CLASP1: variants seen among roughly 807,000 people sequenced by gnomAD.
The protein encoded by CLASP1 is CLIP-associating protein 1.
A neutral mutation model predicts 192.3 loss-of-function variants in CLASP1; 38 were observed. That is an observed-to-expected ratio of 0.20 (90% CI 0.15 to 0.26). The LOEUF is 0.26. Ranked by LOEUF, CLASP1 falls within the 10% of genes least tolerant of loss-of-function variation. The probability of loss-of-function intolerance (pLI) is 1.00; values close to 1 mark genes in which losing one functional copy is unlikely to be tolerated. For missense variants in CLASP1, 1,433 were observed against 1,932.5 expected (o/e 0.74, Z 4.85); for synonymous variants, 691 against 712.8 (o/e 0.97, Z 0.49).
intron 38 of CLASP1, among the ~76,000 whole-genome samples, 166 bp from the exon 40 acceptor site, chr2:121,347,320 C>T (rs1488904350): frequency 6.6e-6 from 1 of 152,158 alleles, no homozygotes; most frequent in African/African-American, 2.4e-5. Flanking sequence ...CAGCTTTCAC[C>T]CCAAAGTGGT....
At chr2:121,497,770 A>G (rs1294328665) in intron 8 of CLASP1, among the ~76,000 whole-genome samples, 1 of 151,972 alleles carries the variant, frequency 6.6e-6, no homozygotes, top group Non-Finnish European at 1.5e-5. Context: ...CCCAGGCTGG[A>G]GTGCAGTGAC....
At chr2:121,521,647 C>T (rs908573186) in intron 6 of CLASP1, among the ~76,000 whole-genome samples, 5 of 152,228 alleles carry the variant, frequency 3.3e-5, no homozygotes, top group Admixed American at 1.3e-4. Flanking sequence ...GGCCTCCCTG[C>T]TCTGAGTCAC....
chr2:121,549,135 C>G (rs1232621539), intron 2 of CLASP1, among the ~76,000 whole-genome samples: 1 of 152,180 alleles, frequency 6.6e-6, no homozygotes, highest in Non-Finnish European at 1.5e-5. Context: ...ATAAAAGGCA[C>G]AGAGTGGCAA....
chr2:121,445,520 C>G, intron 19 of CLASP1: 2 of 1,270,198 alleles, frequency 1.6e-6, no homozygotes, highest in South Asian at 1.2e-5. Context: ...AAAGGATCAT[C>G]AGCTTTAATG....
chr2:121,389,624 T>C (rs1402328381), intron 30 of CLASP1, among the ~76,000 whole-genome samples: 1 of 152,182 alleles, frequency 6.6e-6, no homozygotes, highest in African/African-American at 2.4e-5. Flanking sequence ...GAAAATGGCA[T>C]TTGAAAGTTA....
chr2:121,624,183 A>T (rs1198703369), intron 1 of CLASP1, among the ~76,000 whole-genome samples: 4 of 149,990 alleles, frequency 2.7e-5, no homozygotes, highest in South Asian at 2.1e-4. Context: ...CTCACTTTGG[A>T]TTTAGTGTAT....
At chr2:121,531,625 T>C (rs966208623) in intron 2 of CLASP1, among the ~76,000 whole-genome samples, 73 of 145,040 alleles carry the variant, frequency 5.0e-4, no homozygotes, top group Non-Finnish European at 1.0e-4. Flanking sequence ...ATCCCAGCAC[T>C]TGGGGAGGCC....
At chr2:121,442,112 A>G (rs1042690073) in intron 19 of CLASP1, among the ~76,000 whole-genome samples, 19 of 152,204 alleles carry the variant, frequency 1.2e-4, no homozygotes, top group African/African-American at 4.6e-4. Context: ...AAAGTTACTT[A>G]TTTTGGGAAA....
chr2:121,571,980 G>A (rs905142314), intron 2 of CLASP1, among the ~76,000 whole-genome samples: 62 of 151,706 alleles, frequency 4.1e-4, no homozygotes, highest in African/African-American at 1.4e-3. Flanking sequence ...AAAAAAAAAA[G>A]AGAGAGGAAG....
chr2:121,421,532 G>A (rs1405796967), intron 22 of CLASP1, among the ~76,000 whole-genome samples: 1 of 152,090 alleles, frequency 6.6e-6, no homozygotes, highest in African/African-American at 2.4e-5. Flanking sequence ...ACAGGTGTGA[G>A]CCACTGTGCC....
intron 19 of CLASP1, among the ~76,000 whole-genome samples, chr2:121,437,847 T>C (rs1463386642): frequency 6.6e-6 from 1 of 152,216 alleles, no homozygotes; most frequent in African/African-American, 2.4e-5. Flanking sequence ...GACCCTGACA[T>C]ACCAGGGCTC....
At chr2:121,508,043 T>G (rs1482548930) in intron 7 of CLASP1, among the ~76,000 whole-genome samples, 2 of 151,244 alleles carry the variant, frequency 1.3e-5, no homozygotes, top group Non-Finnish European at 2.9e-5. Flanking sequence ...CAAATCCACA[T>G]GAAGAAATAA....
intron 10 of CLASP1, among the ~76,000 whole-genome samples, chr2:121,461,838 G>A (rs959772190): frequency 1.3e-5 from 2 of 152,118 alleles, no homozygotes; most frequent in African/African-American, 4.8e-5. Flanking sequence ...AAGCCACCAT[G>A]GATGATTTTT....
chr2:121,611,001 G>T (rs2065330577), intron 1 of CLASP1, among the ~76,000 whole-genome samples: 1 of 141,716 alleles, frequency 7.1e-6, no homozygotes, highest in Non-Finnish European at 1.5e-5. Context: ...AGGAGGAGGA[G>T]TTGGAGGAGT....
chr2:121,432,867 T>C (rs1428844384), intron 19 of CLASP1, among the ~76,000 whole-genome samples: 1 of 152,208 alleles, frequency 6.6e-6, no homozygotes, highest in Non-Finnish European at 1.5e-5. Context: ...CATCAGCTTA[T>C]TACCCTCAAA....
chr2:121,444,598 G>T (rs1207927347), intron 19 of CLASP1, among the ~76,000 whole-genome samples: 1 of 152,086 alleles, frequency 6.6e-6, no homozygotes, highest in African/African-American at 2.4e-5. Context: ...AGTGCTTCAG[G>T]AGTAATAAAA....
intron 1 of CLASP1, among the ~76,000 whole-genome samples, chr2:121,624,320 C>A (rs1176992725): frequency 6.6e-6 from 1 of 152,066 alleles, no homozygotes; most frequent in Non-Finnish European, 1.5e-5. Context: ...TATCCCCTAG[C>A]TTATGATATA....
At chr2:121,345,212 G>C (rs2063305092) in intron 39 of CLASP1, among the ~76,000 whole-genome samples, 1 of 152,172 alleles carries the variant, frequency 6.6e-6, no homozygotes, top group Admixed American at 6.5e-5. Context: ...AAGATGTGAA[G>C]GCCAGTCTCT....
At chr2:121,613,804 G>A (rs532382063) in intron 1 of CLASP1, among the ~76,000 whole-genome samples, 1 of 152,268 alleles carries the variant, frequency 6.6e-6, no homozygotes, top group South Asian at 2.1e-4. Flanking sequence ...AAATTAAAAG[G>A]AGGACCATTT....
Sources: gnomAD v4.1 joint callset for allele counts (sites outside exome capture counted in the v4.1 genomes callset) on GRCh38, gnomAD v4.1.1 for gene constraint, MANE v1.5 for transcripts, NCBI Gene and HGNC (gene_info 2026-07-23, HGNC 2026-07-21) for gene names.